Variants in ZNF69 observed in about 807,000 individuals in gnomAD.
ZNF69 encodes zinc finger protein 69.
A neutral mutation model predicts 50.9 loss-of-function variants in ZNF69; 47 were observed. That is an observed-to-expected ratio of 0.92 (90% CI 0.73 to 1.18). ZNF69 has a LOEUF of 1.18. Ranked by LOEUF, ZNF69 falls within the 50% of genes most tolerant of loss-of-function variation. The pLI is 0.00. For synonymous variants in ZNF69, 216 were observed against 223.1 expected (o/e 0.97, Z 0.29); for missense variants, 717 against 675.1 (o/e 1.06, Z -0.69).
chr19:11,898,948 T>C (rs1196075002), intron 1 of ZNF69, among the ~76,000 whole-genome samples: 1 of 152,234 alleles, frequency 6.6e-6, no homozygotes. Flanking sequence ...GAAGCCAATG[T>C]TATTATTACC....
the ZNF69 span, among the ~76,000 whole-genome samples, chr19:11,936,984 G>T: frequency 7.9e-5 from 12 of 152,290 alleles, no homozygotes; most frequent in African/African-American, 2.9e-4. Context: ...GTTCGTCAAA[G>T]ATCAGATGGT....
At chr19:11,899,495 C>T (rs187710296) in intron 1 of ZNF69, among the ~76,000 whole-genome samples, 84 of 152,182 alleles carry the variant, frequency 5.5e-4, no homozygotes, top group Middle Eastern at 3.4e-3. Flanking sequence ...TTTCTTTATT[C>T]ATCTACTGAA....
chr19:11,957,494 A>T, the ZNF69 span, among the ~76,000 whole-genome samples: 2 of 152,114 alleles, frequency 1.3e-5, no homozygotes, highest in Non-Finnish European at 2.9e-5. Flanking sequence ...TAAAAATAAA[A>T]ATATTAAATA....
the ZNF69 span, among the ~76,000 whole-genome samples, chr19:11,921,070 C>G: frequency 1.3e-5 from 2 of 152,180 alleles, no homozygotes; most frequent in African/African-American, 4.8e-5. Context: ...TCCCAAAGTG[C>G]CCCTTTCTAA....
chr19:11,919,085 C>T (rs932469714), downstream of ZNF69, among the ~76,000 whole-genome samples: 11 of 152,056 alleles, frequency 7.2e-5, no homozygotes, highest in African/African-American at 2.4e-4. Context: ...TTAGTAGAGA[C>T]GGGGTTTCAT....
At chr19:11,954,492 C>T in the ZNF69 span, among the ~76,000 whole-genome samples, 6 of 152,062 alleles carry the variant, frequency 3.9e-5, no homozygotes, top group South Asian at 2.1e-4. Context: ...TGCTGGGATT[C>T]GAGGCATGAG....
At chr19:11,899,342 G>C (rs1489293574) in intron 1 of ZNF69, among the ~76,000 whole-genome samples, 1 of 152,058 alleles carries the variant, frequency 6.6e-6, no homozygotes, top group Non-Finnish European at 1.5e-5. Context: ...GTGAGAGACA[G>C]GGTCTCAAAC....
At chr19:11,950,140 T>C in the ZNF69 span, 2 of 1,613,914 alleles carry the variant, frequency 1.2e-6, no homozygotes, top group Non-Finnish European at 1.7e-6. Context: ...ACACTATGAA[T>C]GTAAGGAATG....
chr19:11,896,088 G>A (rs995023199), intron 1 of ZNF69, among the ~76,000 whole-genome samples: 4 of 151,706 alleles, frequency 2.6e-5, no homozygotes, highest in Admixed American at 6.6e-5. Context: ...GCGTGATGGT[G>A]CATGGCTGTA....
At chr19:11,944,519 T>C in the ZNF69 span, among the ~76,000 whole-genome samples, 2 of 152,344 alleles carry the variant, frequency 1.3e-5, no homozygotes, top group African/African-American at 2.4e-5. Context: ...TGGCCTGTTA[T>C]CTGAGCCAAT....
the ZNF69 span, chr19:11,948,940 T>C: frequency 1.2e-6 from 2 of 1,608,356 alleles, no homozygotes; most frequent in Non-Finnish European, 1.7e-6. Flanking sequence ...AGAGAAGCCT[T>C]ATCAATGCAA....
downstream of ZNF69, among the ~76,000 whole-genome samples, chr19:11,917,144 A>G (rs979090941): frequency 7.0e-4 from 107 of 152,344 alleles, 2 homozygotes; most frequent in Admixed American, 6.9e-3. Flanking sequence ...TGGGTGAGCC[A>G]GGAACTCATG....
downstream of ZNF69, among the ~76,000 whole-genome samples, chr19:11,909,501 A>G (rs1972426742): frequency 1.3e-5 from 2 of 152,244 alleles, no homozygotes; most frequent in African/African-American, 4.8e-5. Context: ...CTGGGATGCA[A>G]GGCTGATTCA....
chr19:11,937,490 C>CTTTT, the ZNF69 span, among the ~76,000 whole-genome samples: 10 of 128,996 alleles, frequency 7.8e-5, 2 homozygotes, highest in African/African-American at 1.8e-4. Context: ...TTTTTCTTTC[C>CTTTT]TTTTTTTTTT....
chr19:11,977,202 G>A, the ZNF69 span: 2 of 1,611,398 alleles, frequency 1.2e-6, no homozygotes, highest in Admixed American at 1.7e-5. Context: ...GTCCATTAGT[G>A]AACCAGTGTT....
At chr19:11,941,420 G>A in the ZNF69 span, among the ~76,000 whole-genome samples, 1 of 152,222 alleles carries the variant, frequency 6.6e-6, no homozygotes, top group Non-Finnish European at 1.5e-5. Context: ...ATGATGGGCT[G>A]CAGGTCCCGA....
chr19:11,934,847 T>C, the ZNF69 span, among the ~76,000 whole-genome samples: 1 of 147,700 alleles, frequency 6.8e-6, no homozygotes, highest in African/African-American at 2.7e-5. Context: ...CGCTCTTTAA[T>C]GACACGTGAT....
chr19:11,896,269 G>A (rs553759372), intron 1 of ZNF69, among the ~76,000 whole-genome samples: 19 of 129,240 alleles, frequency 1.5e-4, no homozygotes, highest in African/African-American at 4.8e-4. Flanking sequence ...ACAATTTGCT[G>A]TTTTCCATTG....
chr19:11,904,966 AACCC>A lies in ZNF69; in HGVS notation c.570_573del (p.Lys190AsnfsTer22). ...CCACAAAGGGATCACACTGGAGAGA[AACCC>A]TATGCTTGTAAAGAATGTGGAAAAA... On this transcript the variant is annotated frameshift_variant, in exon 4 of 4. Coordinates refer to ENST00000429654, the MANE Select transcript of ZNF69 (RefSeq NM_001364730.1). LOFTEE classifies it high-confidence loss of function. 1 of 1,614,212 alleles carries A rather than the reference AACCC, an allele frequency of 6.2e-7. No individual in the cohort carries two copies. The highest frequency in any genetic ancestry group is 8.5e-7 in the Non-Finnish European group (1 of 1,180,028).
Sources: allele counts gnomAD v4.1 joint callset (sites outside exome capture counted in the v4.1 genomes callset), GRCh38; gene constraint gnomAD v4.1.1; transcripts MANE v1.5; gene names NCBI Gene and HGNC (gene_info 2026-07-23, HGNC 2026-07-21).